Variants in TRPM6 observed in about 807,000 individuals in gnomAD.
TRPM6 encodes channel kinase 2.
TRPM6 carries 111 observed loss-of-function variants against 247.6 expected under a neutral mutation model. The ratio of observed to expected loss-of-function variants is 0.45; its 90% CI spans 0.38 to 0.52. The LOEUF is 0.52. Ranked by LOEUF, TRPM6 falls within the 20% of genes least tolerant of loss-of-function variation. TRPM6 has a pLI of 0.00. For synonymous variants in TRPM6, 892 were observed against 853.8 expected (o/e 1.04, Z -0.78); for missense variants, 2,126 against 2,421.5 (o/e 0.88, Z 2.56).
intron 15 of TRPM6, among the ~76,000 whole-genome samples, chr9:74,803,327 T>C (rs1414866465): frequency 6.6e-6 from 1 of 151,776 alleles, no homozygotes; most frequent in Non-Finnish European, 1.5e-5. Context: ...CTCATCATCA[T>C]TGTCATACTG....
At chr9:74,749,312 C>T (rs531839940) in intron 30 of TRPM6, among the ~76,000 whole-genome samples, 8 of 152,252 alleles carry the variant, frequency 5.3e-5, no homozygotes, top group East Asian at 1.9e-4. Flanking sequence ...AACTTTTCAG[C>T]GCTGCAAGTG....
At chr9:74,835,656 T>C (rs1363624970) in intron 5 of TRPM6, among the ~76,000 whole-genome samples, 1 of 152,152 alleles carries the variant, frequency 6.6e-6, no homozygotes, top group Non-Finnish European at 1.5e-5. Context: ...TAGTCCACTT[T>C]ATAGGCAAAA....
chr9:74,804,975 A>G (rs990580618), intron 14 of TRPM6, among the ~76,000 whole-genome samples: 1 of 152,236 alleles, frequency 6.6e-6, no homozygotes, highest in African/African-American at 2.4e-5. Context: ...TTTGTTTGAA[A>G]TGTCATCTTA....
chr9:74,858,222 A>G (rs1220974356), intron 2 of TRPM6, among the ~76,000 whole-genome samples: 1 of 152,226 alleles, frequency 6.6e-6, no homozygotes, highest in South Asian at 2.1e-4. Context: ...CCCTGTCTCT[A>G]CTAAAAATAC....
At chr9:74,796,977 G>T in intron 17 of TRPM6, 84 bp from the exon 18 acceptor site, 1 of 1,302,584 alleles carries the variant, frequency 7.7e-7, no homozygotes, top group Non-Finnish European at 1.1e-6. Flanking sequence ...GAATTTCAGT[G>T]TATATAAAAT....
intron 1 of TRPM6, among the ~76,000 whole-genome samples, chr9:74,878,479 A>G (rs1831258867): frequency 6.6e-6 from 1 of 152,110 alleles, no homozygotes; most frequent in Non-Finnish European, 1.5e-5. Flanking sequence ...ACTAACAATC[A>G]CACCTGAAGC....
intron 24 of TRPM6, among the ~76,000 whole-genome samples, chr9:74,775,098 A>T (rs563574423): frequency 6.6e-6 from 1 of 152,352 alleles, no homozygotes; most frequent in Admixed American, 6.5e-5. Context: ...AACAATTAGT[A>T]CGATAGTCAT....
chr9:74,801,781 T>C (rs1828347698), intron 16 of TRPM6, 117 bp downstream of exon 16: 1 of 1,309,736 alleles, frequency 7.6e-7, no homozygotes, highest in Non-Finnish European at 1.1e-6. Flanking sequence ...GGAGAGTCCA[T>C]AAAATGCATG....
intron 16 of TRPM6, among the ~76,000 whole-genome samples, chr9:74,800,906 T>TTTG (rs1554708838): frequency 2.1e-5 from 3 of 143,672 alleles, no homozygotes; most frequent in African/African-American, 7.8e-5. Flanking sequence ...TAAAGTGTGT[T>TTTG]TTTTTTTTTT....
rs549565461 is a variant in TRPM6 at position 74,851,631 on chromosome 9, C to A, written c.152+3896G>T. The stretch of plus-strand genomic sequence containing the variant: ...AGGCGTGGTGGTGGGCGCCTGTAAT[C>A]CCAGCTACTCGGGAGGCTGAGGCAC... On this transcript the variant is annotated intron_variant, in intron 3 of 38. Coordinates refer to ENST00000360774, the MANE Select transcript of TRPM6 (RefSeq NM_017662.5). 6.0e-3 allele frequency among the ~76,000 whole-genome samples: 911 copies of A among 151,564 alleles called. 10 individuals carry two copies. The highest frequency in any genetic ancestry group is 0.021 in the African/African-American group (856 of 41,342).
In TRPM6 at chr9:74,887,919, T is replaced by C; in HGVS notation, c.-63A>G. The C allele has an allele frequency of 6.2e-7, 1 of 1,600,786 alleles. No homozygotes were observed. The highest frequency in any genetic ancestry group is 8.6e-7 in the Non-Finnish European group (1 of 1,168,490). On this transcript the variant is annotated 5_prime_UTR_variant, in exon 1 of 39. Transcript: ENST00000360774. ...AGCTTTTAACTGTGGAGGCAGAAACTCTGGGCTCCACCTCCACACGCTGCC... is the reference window on the plus strand; with the variant it reads ...AGCTTTTAACTGTGGAGGCAGAAACCCTGGGCTCCACCTCCACACGCTGCC...
At chr9:74,838,213 T>C (rs1829793880) in intron 5 of TRPM6, among the ~76,000 whole-genome samples, 2 of 152,214 alleles carry the variant, frequency 1.3e-5, no homozygotes, top group Non-Finnish European at 2.9e-5. Context: ...AAGCACGACA[T>C]GCAGTTAGTT....
intron 1 of TRPM6, among the ~76,000 whole-genome samples, chr9:74,864,141 T>C (rs1248124547): frequency 1.3e-5 from 2 of 152,194 alleles, no homozygotes; most frequent in African/African-American, 4.8e-5. Flanking sequence ...CTTAACCTTA[T>C]TGTAATCCAC....
At chr9:74,875,478 G>A (rs1398950885) in intron 1 of TRPM6, among the ~76,000 whole-genome samples, 1 of 152,146 alleles carries the variant, frequency 6.6e-6, no homozygotes, top group Non-Finnish European at 1.5e-5. Context: ...GGGAAGTGGA[G>A]GTTGCAGTGA....
intron 14 of TRPM6, 63 bp from the exon 15 acceptor site, chr9:74,803,949 A>C: frequency 1.9e-6 from 2 of 1,049,908 alleles, no homozygotes; most frequent in Non-Finnish European, 3.0e-6. Context: ...TTTTTAAAAT[A>C]AAACAAAAGG....
intron 19 of TRPM6, among the ~76,000 whole-genome samples, 173 bp downstream of exon 19, chr9:74,792,451 C>T (rs184066579): frequency 1.3e-5 from 2 of 152,210 alleles, no homozygotes; most frequent in Non-Finnish European, 2.9e-5. Context: ...TCCACCCTAA[C>T]TTCTCCCTGC....
Position 74,775,956 on chromosome 9 carries a change from G to A in TRPM6, c.3330C>T (p.His1110=), listed in dbSNP as rs368851886. 49 of 1,614,080 alleles carry A rather than the reference G, an allele frequency of 3.0e-5. No homozygotes were observed. Among genetic ancestry groups the A allele is most frequent in the South Asian group, 2.5e-4 (23 of 91,094 alleles). The change falls in exon 24 of 39, where the codon CAC becomes CAT. Residue 1110 remains histidine, a synonymous_variant. Coordinates refer to ENST00000360774, the MANE Select transcript of TRPM6 (RefSeq NM_017662.5). ...WLPPPLILLS[H]VGLLLRRLCC... Reference sequence around the variant, plus strand: ...ACAGGCGGCGGAGGAGAAGGCCCACGTGGCTCAGCAGGATGAGAGGTGGGG... The same window carrying A: ...ACAGGCGGCGGAGGAGAAGGCCCACATGGCTCAGCAGGATGAGAGGTGGGG...
intron 2 of TRPM6, among the ~76,000 whole-genome samples, chr9:74,856,684 T>C (rs1336592287): frequency 6.6e-6 from 1 of 152,160 alleles, no homozygotes; most frequent in East Asian, 1.9e-4. Flanking sequence ...AAAGATGTTA[T>C]AATCAAGTGT....
At chr9:74,859,037 G>C (rs1157663678) in intron 1 of TRPM6, among the ~76,000 whole-genome samples, 2 of 152,168 alleles carry the variant, frequency 1.3e-5, no homozygotes, top group African/African-American at 2.4e-5. Context: ...AGATGTAACT[G>C]ATATATCCTC....
Sources: gnomAD v4.1 joint callset for allele counts (sites outside exome capture counted in the v4.1 genomes callset) on GRCh38, gnomAD v4.1.1 for gene constraint, MANE v1.5 for transcripts, NCBI Gene and HGNC (gene_info 2026-07-23, HGNC 2026-07-21) for gene names.